Variants in SEMA5A observed in about 807,000 individuals in gnomAD.
SEMA5A encodes semaphorin-5A.
SEMA5A carries 55 observed loss-of-function variants against 135.5 expected under a neutral mutation model. The observed-to-expected ratio is 0.41, with a 90% CI of 0.33 to 0.51. SEMA5A has a LOEUF of 0.51. Ranked by LOEUF, SEMA5A falls within the 20% of genes least tolerant of loss-of-function variation. The probability of loss-of-function intolerance (pLI) is 0.37; values close to 1 mark genes in which losing one functional copy is unlikely to be tolerated. For missense variants in SEMA5A, 1,290 were observed against 1,419.9 expected (o/e 0.91, Z 1.47); for synonymous variants, 580 against 546.5 (o/e 1.06, Z -0.85).
chr5:9,510,024 T>C (rs268478), intron 1 of SEMA5A, among the ~76,000 whole-genome samples: 137,908 of 152,204 alleles, frequency 0.91, 62,624 homozygotes, highest in Middle Eastern at 0.95. Flanking sequence ...ATAGAATGTC[T>C]AGGGAAGGAC....
At chr5:9,481,977 T>G (rs1195737112) in intron 1 of SEMA5A, among the ~76,000 whole-genome samples, 4 of 152,192 alleles carry the variant, frequency 2.6e-5, no homozygotes, top group African/African-American at 9.7e-5. Flanking sequence ...CCAAACCACT[T>G]TTGTTTCACT....
chr5:9,359,452 G>A (rs532454216), intron 3 of SEMA5A, among the ~76,000 whole-genome samples: 63 of 152,278 alleles, frequency 4.1e-4, no homozygotes, highest in Non-Finnish European at 5.0e-4. Flanking sequence ...TTATCCAGTA[G>A]ATTCCCTTTA....
chr5:9,103,661 G>A (rs1338317422), intron 16 of SEMA5A, among the ~76,000 whole-genome samples: 1 of 152,116 alleles, frequency 6.6e-6, no homozygotes, highest in Non-Finnish European at 1.5e-5. Context: ...GCTGTTCTTT[G>A]TAAATTATTT....
chr5:9,437,869 A>G lies in SEMA5A; in HGVS notation c.-174-17T>C, dbSNP rs1758089416. 2.6e-5 allele frequency: 4 copies of G among 152,414 alleles called. No individual in the cohort carries two copies. The allele number at this position is 152,414 out of a possible 1,614,324, so 9.4% of individuals were successfully genotyped here. ...ACACCAACACTTCAAAAAAGAAAAT[A>G]GAGAGATCCTGTCAACCCATTTTAA... On this transcript the variant is annotated splice_polypyrimidine_tract_variant and intron_variant, in intron 1 of 22. Transcript: ENST00000382496.
At chr5:9,108,110 T>C (rs774795453) in intron 16 of SEMA5A, 30 bp downstream of exon 16, 2 of 1,607,152 alleles carry the variant, frequency 1.2e-6, no homozygotes, top group Non-Finnish European at 1.7e-6. Context: ...TTCTGGATTG[T>C]GGGCTGGGTG....
chr5:9,507,079 A>T (rs1413323527), intron 1 of SEMA5A, among the ~76,000 whole-genome samples: 1 of 152,242 alleles, frequency 6.6e-6, no homozygotes, highest in Non-Finnish European at 1.5e-5. Flanking sequence ...GTATTATTTT[A>T]CTAGAAATAA....
chr5:9,337,851 A>G, intron 3 of SEMA5A, 39 bp from the exon 4 acceptor site: 1 of 1,431,474 alleles, frequency 7.0e-7, no homozygotes, highest in Non-Finnish European at 9.6e-7. Flanking sequence ...GATAAAAATG[A>G]ATTATTTTTC....
intron 5 of SEMA5A, among the ~76,000 whole-genome samples, chr5:9,254,968 A>G (rs1409121623): frequency 1.3e-5 from 2 of 152,190 alleles, no homozygotes; most frequent in Admixed American, 6.5e-5. Flanking sequence ...ACAGAACAGT[A>G]TAAGTACACA....
intron 2 of SEMA5A, among the ~76,000 whole-genome samples, chr5:9,415,125 A>T (rs982256482): frequency 1.3e-5 from 2 of 152,206 alleles, no homozygotes; most frequent in Non-Finnish European, 2.9e-5. Flanking sequence ...AATTAATCAA[A>T]AAGTTGCATT....
intron 2 of SEMA5A, among the ~76,000 whole-genome samples, chr5:9,400,131 G>A (rs934282568): frequency 6.6e-6 from 1 of 152,082 alleles, no homozygotes; most frequent in Non-Finnish European, 1.5e-5. Context: ...ACACAGCGAG[G>A]GGAACATCAC....
At chr5:9,135,967 C>T (rs913687367) in intron 13 of SEMA5A, among the ~76,000 whole-genome samples, 19 of 152,212 alleles carry the variant, frequency 1.2e-4, no homozygotes, top group African/African-American at 4.1e-4. Flanking sequence ...GTGAGTTTCT[C>T]CTCATTCCAT....
chr5:9,534,777 T>C (rs1561329917), intron 1 of SEMA5A, among the ~76,000 whole-genome samples: 1 of 152,050 alleles, frequency 6.6e-6, no homozygotes, highest in Non-Finnish European at 1.5e-5. Context: ...TTATTTGGGG[T>C]TTACATTGGG....
intron 16 of SEMA5A, among the ~76,000 whole-genome samples, chr5:9,096,346 C>G (rs780921774): frequency 1.8e-4 from 28 of 152,180 alleles, no homozygotes; most frequent in Admixed American, 5.9e-4. Context: ...CTCATTCCCC[C>G]TGCACTCTCC....
chr5:9,384,254 C>T (rs987144224), intron 2 of SEMA5A, among the ~76,000 whole-genome samples: 10 of 151,898 alleles, frequency 6.6e-5, no homozygotes, highest in Admixed American at 2.0e-4. Context: ...CCCTCCTTCC[C>T]GGACTCAGCA....
intron 5 of SEMA5A, among the ~76,000 whole-genome samples, chr5:9,289,918 A>G (rs189232898): frequency 1.0e-3 from 158 of 152,340 alleles, no homozygotes; most frequent in African/African-American, 3.4e-3. Flanking sequence ...AGACATTTCA[A>G]AAGTGAATTT....
At chr5:9,069,467 C>T (rs1410096978) in intron 16 of SEMA5A, among the ~76,000 whole-genome samples, 1 of 152,162 alleles carries the variant, frequency 6.6e-6, no homozygotes, top group African/African-American at 2.4e-5. Context: ...AGTATGTTTC[C>T]AGTGGGATAG....
chr5:9,419,911 T>G (rs1452615422), intron 2 of SEMA5A, among the ~76,000 whole-genome samples: 1 of 152,150 alleles, frequency 6.6e-6, no homozygotes, highest in Non-Finnish European at 1.5e-5. Flanking sequence ...AGAAAAGTTA[T>G]GTCTAGAGTA....
At chr5:9,435,127 A>G (rs1204768365) in intron 2 of SEMA5A, among the ~76,000 whole-genome samples, 1 of 152,154 alleles carries the variant, frequency 6.6e-6, no homozygotes, top group Non-Finnish European at 1.5e-5. Flanking sequence ...ATCCTGTTCA[A>G]ACTCCATCTT....
chr5:9,150,219 T>G (rs1742558708), intron 12 of SEMA5A, among the ~76,000 whole-genome samples: 2 of 152,326 alleles, frequency 1.3e-5, no homozygotes, highest in African/African-American at 4.8e-5. Context: ...AGGTCAGCTT[T>G]CCTGTCTTCC....
Sources: gnomAD v4.1 joint callset for allele counts (sites outside exome capture counted in the v4.1 genomes callset) on GRCh38, gnomAD v4.1.1 for gene constraint, MANE v1.5 for transcripts, NCBI Gene and HGNC (gene_info 2026-07-23, HGNC 2026-07-21) for gene names.